Variants in MCPH1 observed in about 807,000 individuals in gnomAD.
The protein encoded by MCPH1 is microcephalin.
MCPH1 carries 104 observed loss-of-function variants against 84.5 expected under a neutral mutation model. That is an observed-to-expected ratio of 1.23 (90% confidence interval 1.05 to 1.45). The LOEUF (loss-of-function observed/expected upper bound fraction) is 1.45. Ranked by LOEUF, MCPH1 falls within the 40% of genes most tolerant of loss-of-function variation. The pLI, the probability that MCPH1 is intolerant of heterozygous loss-of-function variation, is 0.00. For missense variants in MCPH1, 1,498 were observed against 1,005.7 expected (o/e 1.49, Z -6.62); for synonymous variants, 514 against 366.8 (o/e 1.40, Z -4.58).
At chr8:6,621,935 C>T (rs537315781) in intron 13 of MCPH1, among the ~76,000 whole-genome samples, 1 of 152,326 alleles carries the variant, frequency 6.6e-6, no homozygotes, top group Admixed American at 6.5e-5. Context: ...ACTTGACTTC[C>T]CTGGCTCGTG....
chr8:6,499,140 G>C (rs1332155924), intron 11 of MCPH1, among the ~76,000 whole-genome samples: 2 of 151,952 alleles, frequency 1.3e-5, no homozygotes, highest in Non-Finnish European at 2.9e-5. Context: ...TGTTATTTTA[G>C]CTCTAAACTT....
At chr8:6,499,993 C>T (rs1586138031) in intron 12 of MCPH1, 64 bp downstream of exon 12, 1 of 1,399,678 alleles carries the variant, frequency 7.1e-7, no homozygotes, top group East Asian at 2.3e-5. Flanking sequence ...TTATTATAAA[C>T]ATAAGGGTGG....
chr8:6,447,842 C>T (rs1246577268), intron 8 of MCPH1, among the ~76,000 whole-genome samples: 14 of 152,180 alleles, frequency 9.2e-5, no homozygotes. Flanking sequence ...AGCTACCGCG[C>T]CCGGCCAACA....
chr8:6,480,279 C>T (rs753993740), intron 10 of MCPH1, among the ~76,000 whole-genome samples: 2 of 152,162 alleles, frequency 1.3e-5, no homozygotes, highest in African/African-American at 2.4e-5. Flanking sequence ...CGCGTGCCAC[C>T]ACGCCTGGCT....
intron 11 of MCPH1, among the ~76,000 whole-genome samples, chr8:6,496,977 C>CT (rs1203243655): frequency 6.6e-6 from 1 of 151,918 alleles, no homozygotes; most frequent in African/African-American, 2.4e-5. Context: ...AATTGAGTAC[C>CT]TTGTTCAGTG....
intron 13 of MCPH1, among the ~76,000 whole-genome samples, chr8:6,642,019 A>C (rs1446739101): frequency 6.6e-6 from 1 of 152,166 alleles, no homozygotes; most frequent in Non-Finnish European, 1.5e-5. Flanking sequence ...GCTATAACTA[A>C]GATAAGTCAT....
intron 13 of MCPH1, among the ~76,000 whole-genome samples, chr8:6,634,320 G>A (rs543020272): frequency 9.8e-5 from 15 of 152,304 alleles, no homozygotes; most frequent in South Asian, 2.1e-4. Flanking sequence ...ACAAGGCAGC[G>A]TCGAAACTCA....
chr8:6,578,273 A>G (rs1432457521), intron 12 of MCPH1, among the ~76,000 whole-genome samples: 2 of 152,260 alleles, frequency 1.3e-5, no homozygotes, highest in East Asian at 3.8e-4. Flanking sequence ...CAGAGCCTGC[A>G]GCTGTTCACT....
chr8:6,647,110 G>T lies in MCPH1; in HGVS notation c.*4061G>T, dbSNP rs1798251672. On this transcript the variant is annotated 3_prime_UTR_variant, in exon 14 of 14. Coordinates refer to ENST00000344683, the MANE Select transcript of MCPH1 (RefSeq NM_024596.5). ...AAGAACTCATAACTCATTAATAAAAGGATAAAGAAAAAGCTGAAGACAATT... is the reference window on the plus strand; with the variant it reads ...AAGAACTCATAACTCATTAATAAAATGATAAAGAAAAAGCTGAAGACAATT... 6.6e-6 allele frequency: 1 copy of T among 151,898 alleles called. No homozygotes were observed. Among genetic ancestry groups the T allele is most frequent in the African/African-American group, 2.4e-5 (1 of 41,344 alleles). The allele number at this position is 151,898 out of a possible 1,614,324, so 9.4% of individuals were successfully genotyped here. A position where few individuals can be genotyped will look rare whatever the true frequency, so the allele number is the denominator to read the frequency against.
intron 9 of MCPH1, among the ~76,000 whole-genome samples, chr8:6,469,437 G>C (rs1425971357): frequency 4.6e-5 from 7 of 152,074 alleles, no homozygotes; most frequent in Non-Finnish European, 1.0e-4. Flanking sequence ...CTCAGGATGG[G>C]ATTTGAAGAC....
Position 6,494,303 on chromosome 8 carries a change from C to T in MCPH1, c.2137-5549C>T, listed in dbSNP as rs551154342. Reference sequence around the variant, plus strand: ...AATTCATAGCCCACATTCTTTCTAGCATCTACTTCCAAAGATAGCCTAGAG... The same window carrying T: ...AATTCATAGCCCACATTCTTTCTAGTATCTACTTCCAAAGATAGCCTAGAG... On this transcript the variant is annotated intron_variant, in intron 11 of 13. Transcript: ENST00000344683. The T allele has an allele frequency of 2.6e-5, 4 of 152,328 alleles. No homozygotes were observed. The South Asian group carries it at 8.3e-4, about 32-fold the overall frequency. 9.4% of individuals were successfully genotyped at this position (152,328 alleles called of 1,614,324 possible).
chr8:6,500,093 G>A (rs145806658), intron 12 of MCPH1, 164 bp downstream of exon 12: 7 of 659,066 alleles, frequency 1.1e-5, no homozygotes, highest in African/African-American at 9.0e-5. Context: ...TTATTCGCGA[G>A]AACAAATGTG....
In MCPH1 at chr8:6,533,124, A is replaced by G. The variant is rs953595236; in HGVS notation, c.2214+33195A>G. Among the ~76,000 whole-genome samples, 47 of 152,170 alleles carry G rather than the reference A, an allele frequency of 3.1e-4. 1 individual carries two copies. ...TGTATGCATTTTTCACAATTTTGTC[A>G]TTTCATGTATCAAGCAAACTTTTAA... On this transcript the variant is annotated intron_variant, in intron 12 of 13. Coordinates refer to ENST00000344683, the MANE Select transcript of MCPH1 (RefSeq NM_024596.5).
chr8:6,641,604 T>G (rs573394355), intron 13 of MCPH1, among the ~76,000 whole-genome samples: 46 of 152,044 alleles, frequency 3.0e-4, no homozygotes, highest in African/African-American at 1.1e-3. Context: ...ATTAACTGGG[T>G]GTGGTGGTGC....
chr8:6,571,683 A>G (rs948205106), intron 12 of MCPH1, among the ~76,000 whole-genome samples: 1 of 152,176 alleles, frequency 6.6e-6, no homozygotes, highest in East Asian at 1.9e-4. Flanking sequence ...ATAGGTTAAG[A>G]TAAATAAAAT....
At chr8:6,617,945 T>A (rs56267810) in intron 12 of MCPH1, among the ~76,000 whole-genome samples, 14 of 28,846 alleles carry the variant, frequency 4.9e-4, no homozygotes, top group East Asian at 1.4e-3. Flanking sequence ...CTATCTATCT[T>A]TCTATCTATC....
At chr8:6,476,553 A>G (rs1808484851) in intron 9 of MCPH1, among the ~76,000 whole-genome samples, 1 of 152,212 alleles carries the variant, frequency 6.6e-6, no homozygotes, top group African/African-American at 2.4e-5. Flanking sequence ...TTTTGAAACC[A>G]AAGTAGAAAA....
intron 12 of MCPH1, among the ~76,000 whole-genome samples, chr8:6,554,671 A>G (rs1275406107): frequency 6.6e-6 from 1 of 152,242 alleles, no homozygotes; most frequent in Non-Finnish European, 1.5e-5. Context: ...TTCCAAAAAT[A>G]ATTCACAGAC....
chr8:6,460,968 G>A (rs764601811), intron 9 of MCPH1, among the ~76,000 whole-genome samples: 1 of 152,250 alleles, frequency 6.6e-6, no homozygotes, highest in South Asian at 2.1e-4. Context: ...GGAGACGATG[G>A]GTGAATTTTA....
Sources: allele counts gnomAD v4.1 joint callset (sites outside exome capture counted in the v4.1 genomes callset), GRCh38; gene constraint gnomAD v4.1.1; transcripts MANE v1.5; gene names NCBI Gene and HGNC (gene_info 2026-07-23, HGNC 2026-07-21).